The following ITPR2 variants were observed in gnomAD, a reference collection of about 807,000 sequenced individuals.
The protein encoded by ITPR2 is inositol 1,4,5-trisphosphate receptor type 2, also known as inositol 1,4,5-trisphosphate-gated calcium channel ITPR2.
ITPR2 carries 207 observed loss-of-function variants against 317.1 expected under a neutral mutation model. That is an observed-to-expected ratio of 0.65 (90% CI 0.58 to 0.73). The LOEUF is 0.73. ITPR2 is among the 30% of genes least tolerant of loss of function. The pLI is 0.00. For missense variants in ITPR2, 2,613 were observed against 3,284.0 expected (o/e 0.80, Z 4.99); for synonymous variants, 1,156 against 1,149.1 (o/e 1.01, Z -0.12).
At chr12:26,409,862 G>T (rs1224818624) in intron 52 of ITPR2, among the ~76,000 whole-genome samples, 1 of 152,110 alleles carries the variant, frequency 6.6e-6, no homozygotes, top group African/African-American at 2.4e-5. Flanking sequence ...TGGTCAAATT[G>T]CGACGACCTG....
chr12:26,563,314 G>GTA (rs1944870145), intron 34 of ITPR2, among the ~76,000 whole-genome samples: 1 of 152,242 alleles, frequency 6.6e-6, no homozygotes. Context: ...GCTCACGCCT[G>GTA]TAATCCCAGC....
Position 26,556,569 on chromosome 12 carries a change from TGTGTG to T in ITPR2, c.4822-199_4822-195del, listed in dbSNP as rs1565601557. Among the ~76,000 whole-genome samples, 1,152 of 121,934 alleles carry T rather than the reference TGTGTG, an allele frequency of 9.4e-3. 14 individuals are homozygous for T. Among genetic ancestry groups the T allele is most frequent in the African/African-American group, 0.039 (1,068 of 27,352 alleles). 80.0% of individuals were successfully genotyped at this position (121,934 alleles called of 152,430 possible). A position where few individuals can be genotyped will look rare whatever the true frequency, so the allele number is the denominator to read the frequency against. On this transcript the variant is annotated intron_variant, in intron 35 of 56. Transcript: ENST00000381340. Reference sequence around the variant, plus strand: ...GCCTGGGTCTCTATTTTTTTTTTTGTGTGTGTGTGTGTGTGTGTGTGTGTGTTTTT... The same window carrying T: ...GCCTGGGTCTCTATTTTTTTTTTTGTTGTGTGTGTGTGTGTGTGTGTTTTT...
At chr12:26,756,368 G>A (rs549784407) in intron 2 of ITPR2, among the ~76,000 whole-genome samples, 1 of 152,238 alleles carries the variant, frequency 6.6e-6, no homozygotes, top group African/African-American at 2.4e-5. Flanking sequence ...TTCTAATTCT[G>A]TGCATATATT....
intron 45 of ITPR2, among the ~76,000 whole-genome samples, chr12:26,469,690 T>G (rs1468301063): frequency 1.3e-5 from 2 of 151,924 alleles, no homozygotes; most frequent in African/African-American, 4.8e-5. Flanking sequence ...ACCACTGCAT[T>G]CCTAGTATCT....
chr12:26,375,334 G>A (rs990421569), intron 55 of ITPR2, among the ~76,000 whole-genome samples: 5 of 152,112 alleles, frequency 3.3e-5, no homozygotes, highest in Non-Finnish European at 5.9e-5. Flanking sequence ...ACTTAGGATG[G>A]GTTATCATTT....
chr12:26,528,819 T>C (rs753775388), intron 37 of ITPR2, among the ~76,000 whole-genome samples: 2 of 152,250 alleles, frequency 1.3e-5, no homozygotes, highest in Non-Finnish European at 2.9e-5. Context: ...TGCTGTGCTG[T>C]GTTGTGCACT....
At chr12:26,757,625 C>A (rs184261293) in intron 2 of ITPR2, among the ~76,000 whole-genome samples, 1 of 152,258 alleles carries the variant, frequency 6.6e-6, no homozygotes, top group East Asian at 1.9e-4. Flanking sequence ...TGGATTGGGA[C>A]CCTTTTCCTG....
intron 34 of ITPR2, among the ~76,000 whole-genome samples, chr12:26,575,443 G>A (rs1945253466): frequency 6.6e-6 from 1 of 151,952 alleles, no homozygotes; most frequent in African/African-American, 2.4e-5. Flanking sequence ...AAATGCAGAA[G>A]GAGAGTGGGG....
intron 20 of ITPR2, among the ~76,000 whole-genome samples, chr12:26,654,917 A>C (rs1428354164): frequency 6.6e-6 from 1 of 152,228 alleles, no homozygotes; most frequent in Non-Finnish European, 1.5e-5. Context: ...ACCCCATCAC[A>C]GACCCTGAGC....
intron 52 of ITPR2, among the ~76,000 whole-genome samples, chr12:26,403,067 A>C (rs1434672965): frequency 1.3e-5 from 2 of 152,220 alleles, no homozygotes; most frequent in African/African-American, 4.8e-5. Context: ...TGAGGGCTTC[A>C]GTATCCTGAA....
intron 47 of ITPR2, among the ~76,000 whole-genome samples, chr12:26,438,918 A>G (rs905986082): frequency 1.3e-5 from 2 of 152,218 alleles, no homozygotes; most frequent in African/African-American, 4.8e-5. Context: ...CGATGTAATT[A>G]GTTAGGGCTT....
intron 23 of ITPR2, among the ~76,000 whole-genome samples, chr12:26,626,243 G>A (rs891559448): frequency 1.3e-5 from 2 of 152,154 alleles, no homozygotes; most frequent in Non-Finnish European, 2.9e-5. Context: ...GGGATTACAG[G>A]CGTGAGCCAC....
chr12:26,394,822 T>C (rs1591987199), intron 54 of ITPR2, among the ~76,000 whole-genome samples: 1 of 151,498 alleles, frequency 6.6e-6, no homozygotes, highest in South Asian at 2.1e-4. Flanking sequence ...AGGATGTGGG[T>C]GAGATTGTGA....
At chr12:26,517,666 C>A (rs1185049012) in intron 37 of ITPR2, among the ~76,000 whole-genome samples, 1 of 152,126 alleles carries the variant, frequency 6.6e-6, no homozygotes, top group African/African-American at 2.4e-5. Context: ...GGCAAAACCA[C>A]ATCTCTCCTA....
intron 54 of ITPR2, 23 bp from the exon 55 acceptor site, chr12:26,387,617 T>C (rs1280060115): frequency 1.2e-6 from 2 of 1,606,232 alleles, no homozygotes; most frequent in East Asian, 2.2e-5. Flanking sequence ...GGCAACACAA[T>C]ATATGTAATT....
rs200005629 is a variant in ITPR2 at position 26,478,733 on chromosome 12, C to T, written c.6124-1726G>A. ...GTGCAGGAGTTTCTTCTTAAAGAAG[C>T]CAGATTCTTTGAAAAAACAAAACAA... is the stretch of plus-strand genomic sequence containing the variant. On this transcript the variant is annotated intron_variant, in intron 43 of 56. Transcript: ENST00000381340. 6.6e-5 allele frequency among the ~76,000 whole-genome samples: 10 copies of T among 151,978 alleles called. No homozygotes were observed. The East Asian group carries it at 1.2e-3, about 18-fold the overall frequency.
At chr12:26,370,093 A>G (rs548400972) in intron 55 of ITPR2, among the ~76,000 whole-genome samples, 1 of 152,250 alleles carries the variant, frequency 6.6e-6, no homozygotes, top group East Asian at 1.9e-4. Context: ...TGTCCTTTAT[A>G]ATAAAACTGT....
intron 47 of ITPR2, among the ~76,000 whole-genome samples, chr12:26,437,168 G>A (rs942703951): frequency 2.0e-5 from 3 of 152,152 alleles, no homozygotes; most frequent in Admixed American, 6.5e-5. Flanking sequence ...AAATCTACTA[G>A]CCTGCCCTGG....
At chr12:26,425,759 A>G (rs957649923) in intron 49 of ITPR2, among the ~76,000 whole-genome samples, 5 of 152,184 alleles carry the variant, frequency 3.3e-5, no homozygotes, top group African/African-American at 1.2e-4. Flanking sequence ...AAGCAATTAC[A>G]GTCCCCACAG....
Sources: allele counts gnomAD v4.1 joint callset (sites outside exome capture counted in the v4.1 genomes callset), GRCh38; gene constraint gnomAD v4.1.1; transcripts MANE v1.5; gene names NCBI Gene and HGNC (gene_info 2026-07-23, HGNC 2026-07-21).